RAPGEF4: variants seen among roughly 807,000 people sequenced by gnomAD.
RAPGEF4 encodes the protein RAP guanine-nucleotide-exchange factor (GEF) 4.
A neutral mutation model predicts 147.9 loss-of-function variants in RAPGEF4; 66 were observed. The observed-to-expected ratio is 0.45, with a 90% CI of 0.37 to 0.55. RAPGEF4 has a LOEUF of 0.55. RAPGEF4 is among the 20% of genes least tolerant of loss of function. The probability of loss-of-function intolerance (pLI) is 0.00; values close to 1 mark genes in which losing one functional copy is unlikely to be tolerated. For synonymous variants in RAPGEF4, 419 were observed against 442.7 expected, an observed-to-expected ratio of 0.95 and a Z score of 0.67; for missense variants, 1,071 against 1,257.3, an observed-to-expected ratio of 0.85 and a Z score of 2.24.
Position 172,925,889 on chromosome 2 carries a change from GGAAA to G in RAPGEF4, c.537+3597_537+3600del, listed in dbSNP as rs760325974. The stretch of plus-strand genomic sequence containing the variant: ...GAGAGAGAAGGAGAAAGAAAAGAAA[GGAAA>G]GAAAGAAGAAAGAGAGAAAGAAAGA... On this transcript the variant is annotated intron_variant, in intron 6 of 30. Coordinates refer to ENST00000397081, the MANE Select transcript of RAPGEF4 (RefSeq NM_007023.4). Among the ~76,000 whole-genome samples, 130 of 143,068 alleles carry G rather than the reference GGAAA, an allele frequency of 9.1e-4. 1 individual carries two copies. The East Asian group carries it at 0.023, about 26-fold the overall frequency. 93.9% of individuals were successfully genotyped at this position (143,068 alleles called of 152,430 possible).
intron 1 of RAPGEF4, among the ~76,000 whole-genome samples, chr2:172,777,340 G>A (rs549940962): frequency 5.3e-5 from 8 of 151,776 alleles, no homozygotes; most frequent in Admixed American, 3.3e-4. Flanking sequence ...CATTGTTCTC[G>A]GTACTGGAGA....
chr2:172,776,412 C>T (rs1684165280), intron 1 of RAPGEF4, among the ~76,000 whole-genome samples: 1 of 152,182 alleles, frequency 6.6e-6, no homozygotes, highest in African/African-American at 2.4e-5. Flanking sequence ...ATCTACCATA[C>T]TTAGAATGCT....
chr2:172,877,544 A>G (rs1696112259), intron 4 of RAPGEF4, among the ~76,000 whole-genome samples: 1 of 150,808 alleles, frequency 6.6e-6, no homozygotes, highest in Admixed American at 6.6e-5. Flanking sequence ...AAAAAAAAAG[A>G]AAAGAAATGA....
intron 1 of RAPGEF4, among the ~76,000 whole-genome samples, chr2:172,789,353 G>A (rs13010326): frequency 0.28 from 42,243 of 152,034 alleles, 6,049 homozygotes; most frequent in Non-Finnish European, 0.31. Flanking sequence ...GCTCCCACCC[G>A]GCCTCAAAAG....
At chr2:173,009,793 G>T (rs1054389056) in intron 17 of RAPGEF4, among the ~76,000 whole-genome samples, 8 of 152,148 alleles carry the variant, frequency 5.3e-5, no homozygotes, top group African/African-American at 1.9e-4. Context: ...AACGATTTCT[G>T]TGCCTCTCTA....
chr2:172,988,068 C>T, intron 12 of RAPGEF4, 128 bp from the exon 13 acceptor site: 1 of 1,329,704 alleles, frequency 7.5e-7, no homozygotes, highest in South Asian at 2.0e-5. Context: ...TTAATATTTG[C>T]CAGTGATGTT....
rs1371860335 is a variant in RAPGEF4, at chr2:172,767,784, G to T, written c.66-27241G>T. The stretch of plus-strand genomic sequence containing the variant: ...GCCAGCATCTTCTCTTGAGTTTATT[G>T]TGGAAAGCTTAAAAGATGACACTAG... On this transcript the variant is annotated intron_variant, in intron 1 of 30. Coordinates refer to ENST00000397081, the MANE Select transcript of RAPGEF4 (RefSeq NM_007023.4). Among the ~76,000 whole-genome samples the T allele has an allele frequency of 2.6e-5, 4 of 152,206 alleles. No individual in the cohort carries two copies. The East Asian group carries it at 7.7e-4, about 29-fold the overall frequency.
At chr2:172,967,038 G>A (rs964802613) in intron 9 of RAPGEF4, 20 of 431,788 alleles carry the variant, frequency 4.6e-5, no homozygotes, top group East Asian at 1.5e-4. Context: ...CACAGAGGCC[G>A]AGGAGATGGG....
Position 172,742,732 on chromosome 2 carries a change from G to T in RAPGEF4, c.65+6684G>T, listed in dbSNP as rs142531873. ...TATGTAATTAGGGTTAAATTCTGTT[G>T]TGCTGATTTTACTTGCTTTAATCTA... On this transcript the variant is annotated intron_variant, in intron 1 of 30. Transcript: ENST00000397081. Among the ~76,000 whole-genome samples, 354 of 152,254 alleles carry T rather than the reference G, an allele frequency of 2.3e-3. 2 individuals carry two copies. The highest frequency in any genetic ancestry group is 8.0e-3 in the African/African-American group (333 of 41,546).
intron 23 of RAPGEF4, among the ~76,000 whole-genome samples, chr2:173,025,529 G>A (rs1696577808): frequency 6.6e-6 from 1 of 152,172 alleles, no homozygotes; most frequent in Non-Finnish European, 1.5e-5. Flanking sequence ...TGCAACCTCT[G>A]CCTCCTGGGT....
intron 4 of RAPGEF4, among the ~76,000 whole-genome samples, chr2:172,909,715 C>T (rs1050818151): frequency 6.6e-6 from 1 of 152,204 alleles, no homozygotes; most frequent in East Asian, 1.9e-4. Flanking sequence ...TGAGCACAGG[C>T]TTGGCAATCC....
chr2:172,829,888 T>C (rs1690105249), intron 4 of RAPGEF4, among the ~76,000 whole-genome samples: 1 of 151,282 alleles, frequency 6.6e-6, no homozygotes, highest in African/African-American at 2.4e-5. Flanking sequence ...AGGTGCTTTT[T>C]ACCTGGGATT....
intron 4 of RAPGEF4, among the ~76,000 whole-genome samples, chr2:172,856,073 C>T (rs906373855): frequency 3.3e-5 from 5 of 152,032 alleles, no homozygotes; most frequent in Non-Finnish European, 5.9e-5. Flanking sequence ...TATTCTCTGT[C>T]TTCTTGTCCT....
chr2:173,050,883 G>A (rs986240817), intron 30 of RAPGEF4, among the ~76,000 whole-genome samples: 1 of 152,064 alleles, frequency 6.6e-6, no homozygotes, highest in Non-Finnish European at 1.5e-5. Flanking sequence ...CTTCTGGTCT[G>A]GCTTTCCTTA....
At chr2:173,012,404 ATT>A (rs1165915356) in intron 17 of RAPGEF4, among the ~76,000 whole-genome samples, 1 of 152,184 alleles carries the variant, frequency 6.6e-6, no homozygotes, top group Non-Finnish European at 1.5e-5. Context: ...CACCTTGGCC[ATT>A]CTTACTTTCT....
intron 4 of RAPGEF4, among the ~76,000 whole-genome samples, chr2:172,867,499 A>G (rs1271465584): frequency 6.6e-6 from 1 of 152,158 alleles, no homozygotes; most frequent in Non-Finnish European, 1.5e-5. Flanking sequence ...TCAAGAGAAG[A>G]GACTCTTGAC....
At chr2:172,993,138 C>T (rs1381493564) in intron 15 of RAPGEF4, among the ~76,000 whole-genome samples, 2 of 152,218 alleles carry the variant, frequency 1.3e-5, no homozygotes, top group East Asian at 3.9e-4. Context: ...TTTATGTGCA[C>T]ATTTTTAACT....
At chr2:172,887,999 A>G (rs1003712832) in intron 4 of RAPGEF4, among the ~76,000 whole-genome samples, 1 of 152,136 alleles carries the variant, frequency 6.6e-6, no homozygotes, top group East Asian at 1.9e-4. Flanking sequence ...TCTTGTGTTT[A>G]TCTCCTACTA....
intron 1 of RAPGEF4, among the ~76,000 whole-genome samples, chr2:172,770,234 C>G (rs1276795591): frequency 6.6e-6 from 1 of 152,148 alleles, no homozygotes; most frequent in Non-Finnish European, 1.5e-5. Flanking sequence ...AAGTGGACCC[C>G]GATTATCTGC....
Sources: gnomAD v4.1 joint callset for allele counts (sites outside exome capture counted in the v4.1 genomes callset) on GRCh38, gnomAD v4.1.1 for gene constraint, MANE v1.5 for transcripts, NCBI Gene and HGNC (gene_info 2026-07-23, HGNC 2026-07-21) for gene names.